RBM7: variants seen among roughly 807,000 people sequenced by gnomAD.
RBM7 encodes the protein RNA binding motif protein 7.
A neutral mutation model predicts 31.0 loss-of-function variants in RBM7; 13 were observed. The ratio of observed to expected loss-of-function variants is 0.42; its 90% CI spans 0.27 to 0.67. The LOEUF is 0.67. Ranked by LOEUF, RBM7 falls within the 30% of genes least tolerant of loss-of-function variation. The probability of loss-of-function intolerance (pLI) is 0.24; values close to 1 mark genes in which losing one functional copy is unlikely to be tolerated. For synonymous variants in RBM7, 106 were observed against 111.2 expected (o/e 0.95, Z 0.30); for missense variants, 245 against 326.2 (o/e 0.75, Z 1.92).
In RBM7 at chr11:114,407,474, T is replaced by C; in HGVS notation, c.471T>C (p.Tyr157=). The C allele has an allele frequency of 6.2e-7, 1 of 1,613,736 alleles. No individual in the cohort carries two copies. The highest frequency in any genetic ancestry group is 8.5e-7 in the Non-Finnish European group (1 of 1,179,666). ...ACAGTGCTTTGAGACAAATGTCATA[T>C]GGTGGAAAATTTGGTTCTTCACCTC... ...VMNSALRQMS[Y]GGKFGSSPLD... The change falls in exon 5 of 5, where the codon TAT becomes TAC. Residue 157 remains tyrosine, a synonymous_variant. Transcript: ENST00000375490.
chr11:114,402,364 C>A (rs985732934), intron 2 of RBM7, among the ~76,000 whole-genome samples: 4 of 131,688 alleles, frequency 3.0e-5, no homozygotes, highest in East Asian at 2.3e-4. Context: ...GTAAAGCGGT[C>A]TACAGCAGCT....
At chr11:114,404,991 C>T (rs1320969109) in intron 3 of RBM7, among the ~76,000 whole-genome samples, 2 of 152,110 alleles carry the variant, frequency 1.3e-5, no homozygotes, top group Non-Finnish European at 2.9e-5. Flanking sequence ...ATGTATGTTA[C>T]AGAACTCTTA....
At chr11:114,403,549 A>G (rs1946231137) in intron 3 of RBM7, among the ~76,000 whole-genome samples, 1 of 152,188 alleles carries the variant, frequency 6.6e-6, no homozygotes, top group Non-Finnish European at 1.5e-5. Context: ...GGAGGTTCAT[A>G]TTTTACCAGG....
chr11:114,405,923 T>G (rs1002168380), intron 4 of RBM7, 124 bp downstream of exon 4: 6 of 649,010 alleles, frequency 9.2e-6, no homozygotes, highest in Non-Finnish European at 1.5e-5. Context: ...GTTCCTTTAG[T>G]CCTCAAGGCG....
chr11:114,405,917 C>T, intron 4 of RBM7, 118 bp downstream of exon 4: 1 of 697,318 alleles, frequency 1.4e-6, no homozygotes, highest in Non-Finnish European at 2.3e-6. Context: ...GGTTTTGTTC[C>T]TTTAGTCCTC....
At chr11:114,404,833 TC>T (rs571707194) in intron 3 of RBM7, among the ~76,000 whole-genome samples, 268 of 152,274 alleles carry the variant, frequency 1.8e-3, no homozygotes, top group Non-Finnish European at 3.0e-3. Flanking sequence ...AATTAAAAGA[TC>T]CAAAGTGTAA....
intron 1 of RBM7, 44 bp downstream of exon 1, chr11:114,400,811 G>A (rs1211761001): frequency 2.5e-6 from 4 of 1,608,662 alleles, no homozygotes; most frequent in East Asian, 4.5e-5. Flanking sequence ...TTTCCGTCTC[G>A]CCTAGGGCCT....
intron 3 of RBM7, 85 bp from the exon 4 acceptor site, chr11:114,405,621 G>A (rs965109865): frequency 4.3e-5 from 38 of 884,608 alleles, no homozygotes; most frequent in South Asian, 6.0e-5. Context: ...TGTTCATTCC[G>A]ACCTTTGAGA....
rs1946302926 is a variant in RBM7, at chr11:114,408,879, T to A, written c.*1072T>A. 1 of 152,224 alleles carries A rather than the reference T, an allele frequency of 6.6e-6. No homozygotes were observed. 9.4% of individuals were successfully genotyped at this position (152,224 alleles called of 1,614,324 possible). A position where few individuals can be genotyped will look rare whatever the true frequency, so the allele number is the denominator to read the frequency against. ...CTTTTTAATACCACAGCATTTGTAC[T>A]GTTCCTTTTTAATATACTGAAAATA... On this transcript the variant is annotated 3_prime_UTR_variant, in exon 5 of 5. Transcript: ENST00000375490.
Position 114,409,016 on chromosome 11 carries a change from C to T in RBM7, c.*1209C>T, listed in dbSNP as rs11214981. The T allele has an allele frequency of 0.12, 18,721 of 151,674 alleles. 1,544 individuals carry two copies. The highest frequency in any genetic ancestry group is 0.24 in the South Asian group (1,171 of 4,806). 9.4% of individuals were successfully genotyped at this position (151,674 alleles called of 1,614,324 possible). ...ACTGATTGCCTGCTGTTTAGAATAT[C>T]AGTTCTTTAATTTTGAGCATCCTGA... On this transcript the variant is annotated 3_prime_UTR_variant, in exon 5 of 5. Transcript: ENST00000375490.
At chr11:114,407,082 T>C (rs678207) in intron 4 of RBM7, 86,005 of 165,336 alleles carry the variant, frequency 0.52, 22,720 homozygotes, top group East Asian at 0.6. Flanking sequence ...GGCATATCTC[T>C]CCCTTAAAAT....
chr11:114,403,097 A>G (rs1383523639), intron 3 of RBM7, among the ~76,000 whole-genome samples, 182 bp downstream of exon 3: 2 of 152,146 alleles, frequency 1.3e-5, no homozygotes, highest in Non-Finnish European at 2.9e-5. Flanking sequence ...TGTCTATTCT[A>G]TAGACAAACA....
chr11:114,403,767 G>A (rs1946233221), intron 3 of RBM7, among the ~76,000 whole-genome samples: 1 of 152,142 alleles, frequency 6.6e-6, no homozygotes, highest in African/African-American at 2.4e-5. Flanking sequence ...ACTTGCTCAG[G>A]TTCAGTGGGC....
Position 114,407,494 on chromosome 11 carries a change from C to T in RBM7, c.491C>T (p.Ser164Leu). ...QMSYGGKFGSSPLDQSGFSPS... is the reference protein window; with the variant it reads ...QMSYGGKFGSLPLDQSGFSPS... ...TCATATGGTGGAAAATTTGGTTCTT[C>T]ACCTCTGGATCAATCAGGATTTTCA... The change falls in exon 5 of 5, where the codon TCA becomes TTA. Residue 164 changes from serine to leucine, a missense_variant. Ser to Leu is a moderately radical substitution (Grantham distance 145, BLOSUM62 -2). Coordinates refer to ENST00000375490, the MANE Select transcript of RBM7 (RefSeq NM_001286045.2). The T allele has an allele frequency of 6.2e-7, 1 of 1,613,948 alleles. No individual in the cohort carries two copies. Among genetic ancestry groups the T allele is most frequent in the Non-Finnish European group, 8.5e-7 (1 of 1,179,870 alleles).
At chr11:114,405,647 T>C in intron 3 of RBM7, 59 bp from the exon 4 acceptor site, 1 of 1,206,206 alleles carries the variant, frequency 8.3e-7, no homozygotes, top group Non-Finnish European at 1.2e-6. Context: ...GTTCTGCTCA[T>C]GGTTGTTAGT....
In RBM7 at chr11:114,402,923, T is replaced by C. The variant is rs1211114906; in HGVS notation, c.347+8T>C. The C allele has an allele frequency of 6.3e-7, 1 of 1,587,138 alleles. No individual in the cohort carries two copies. Among genetic ancestry groups the C allele is most frequent in the Admixed American group, 1.7e-5 (1 of 59,964 alleles). On this transcript the variant is annotated splice_region_variant and intron_variant, in intron 3 of 4. Transcript: ENST00000375490. Reference sequence around the variant, plus strand: ...CTCCACATCTCCTAGCAGGTAATATTTCTCACTTATTGTTAAGATCATTTA... The same window carrying C: ...CTCCACATCTCCTAGCAGGTAATATCTCTCACTTATTGTTAAGATCATTTA...
At chr11:114,402,973 C>G (rs1379925647) in intron 3 of RBM7, 58 bp downstream of exon 3, 7 of 1,333,460 alleles carry the variant, frequency 5.2e-6, no homozygotes, top group African/African-American at 1.4e-5. Context: ...AGGGAATAGC[C>G]TCAAAACACA....
chr11:114,405,993 A>G, intron 4 of RBM7, 194 bp downstream of exon 4: 1 of 499,396 alleles, frequency 2.0e-6, no homozygotes, highest in Non-Finnish European at 3.5e-6. Context: ...TGATTTGTAG[A>G]TTGAGCACTC....
Position 114,409,936 on chromosome 11 carries a change from T to C in RBM7, c.*2129T>C, listed in dbSNP as rs1946315941. ...GAAGTACAGGTTTGAGCATCCCTTA[T>C]TCAAAATGCTTGAGAAGTGTTTTGG... On this transcript the variant is annotated 3_prime_UTR_variant, in exon 5 of 5. Transcript: ENST00000375490. 1 of 152,190 alleles carries C rather than the reference T, an allele frequency of 6.6e-6. No homozygotes were observed. Among genetic ancestry groups the C allele is most frequent in the Non-Finnish European group, 1.5e-5 (1 of 68,036 alleles). 9.4% of individuals were successfully genotyped at this position (152,190 alleles called of 1,614,324 possible).
Sources: allele counts gnomAD v4.1 joint callset (sites outside exome capture counted in the v4.1 genomes callset), GRCh38; gene constraint gnomAD v4.1.1; transcripts MANE v1.5; gene names NCBI Gene and HGNC (gene_info 2026-07-23, HGNC 2026-07-21).